MN1: variants seen among roughly 807,000 people sequenced by gnomAD.
The protein encoded by MN1 is transcriptional activator MN1.
Under a neutral mutation model 86.9 loss-of-function variants are expected in MN1, and 19 were observed. That is an observed-to-expected ratio of 0.22 (90% CI 0.15 to 0.32). The LOEUF (loss-of-function observed/expected upper bound fraction) is 0.32. MN1 is among the 10% of genes least tolerant of loss of function. The probability of loss-of-function intolerance (pLI) is 1.00; values close to 1 mark genes in which losing one functional copy is unlikely to be tolerated. For synonymous variants in MN1, 928 were observed against 849.6 expected (o/e 1.09, Z -1.60); for missense variants, 1,841 against 1,862.0 (o/e 0.99, Z 0.21).
chr22:27,748,893 G>A lies in MN1; in HGVS notation c.*2022C>T, dbSNP rs535261762. 2.2e-5 allele frequency: 5 copies of A among 228,568 alleles called. No individual in the cohort carries two copies. Among genetic ancestry groups the A allele is most frequent in the African/African-American group, 8.9e-5 (4 of 45,154 alleles). The allele number at this position is 228,568 out of a possible 1,614,324, so 14.2% of individuals were successfully genotyped here. ...TCCTGTTTCAAAAGTAAAATGATGAGGCTCTCAAACAGCTGTACACTGCAG... is the reference window on the plus strand; with the variant it reads ...TCCTGTTTCAAAAGTAAAATGATGAAGCTCTCAAACAGCTGTACACTGCAG... On this transcript the variant is annotated 3_prime_UTR_variant, in exon 2 of 2. Coordinates refer to ENST00000302326, the MANE Select transcript of MN1 (RefSeq NM_002430.3).
chr22:27,798,471 G>A lies in MN1; in HGVS notation c.2073C>T (p.His691=). The A allele has an allele frequency of 6.4e-7, 1 of 1,564,098 alleles. No individual in the cohort carries two copies. The highest frequency in any genetic ancestry group is 8.6e-7 in the Non-Finnish European group (1 of 1,164,622). The change falls in exon 1 of 2, where the codon CAC becomes CAT. Residue 691 remains histidine, a synonymous_variant. Transcript: ENST00000302326. ...QEPMRMPGEG[H]VPALPSPGLQ... ...GGCCCGGTGAAGGCAGCGCGGGCAC[G>A]TGGCCCTCTCCGGGCATCCTCATCG...
Position 27,749,193 on chromosome 22 carries a change from G to T in MN1, c.*1722C>A, listed in dbSNP as rs1186736648. 1.3e-5 allele frequency: 3 copies of T among 231,132 alleles called. No homozygotes were observed. In the East Asian group the frequency reaches 1.8e-4, roughly 14 times the overall value. 14.3% of individuals were successfully genotyped at this position (231,132 alleles called of 1,614,324 possible). A position where few individuals can be genotyped will look rare whatever the true frequency, so the allele number is the denominator to read the frequency against. Reference sequence around the variant, plus strand: ...GAAAGAGGGGAGAAGGGAGGGGAAAGAGTGAGGTTTTTCTGAAAGCTCCTC... The same window carrying T: ...GAAAGAGGGGAGAAGGGAGGGGAAATAGTGAGGTTTTTCTGAAAGCTCCTC... On this transcript the variant is annotated 3_prime_UTR_variant, in exon 2 of 2. Coordinates refer to ENST00000302326, the MANE Select transcript of MN1 (RefSeq NM_002430.3).
intron 1 of MN1, among the ~76,000 whole-genome samples, chr22:27,784,186 AG>A (rs534622967): frequency 2.2e-3 from 331 of 152,310 alleles, no homozygotes; most frequent in Non-Finnish European, 3.8e-3. Context: ...AGCCAGGAGC[AG>A]GGGATGCACC....
Position 27,749,618 on chromosome 22 carries a change from A to C in MN1, c.*1297T>G, listed in dbSNP as rs541400049. 1.6e-3 allele frequency: 374 copies of C among 232,014 alleles called. 2 individuals carry two copies. The highest frequency in any genetic ancestry group is 3.4e-3 in the Admixed American group (61 of 17,766). The allele number at this position is 232,014 out of a possible 1,614,324, so 14.4% of individuals were successfully genotyped here. ...TGGGACATGGCTCTAGTTTTGCAAC[A>C]GGGTGAGATTCCAAAAAAATGTTGG... On this transcript the variant is annotated 3_prime_UTR_variant, in exon 2 of 2. Coordinates refer to ENST00000302326, the MANE Select transcript of MN1 (RefSeq NM_002430.3).
At chr22:27,770,366 A>G (rs1454426277) in intron 1 of MN1, among the ~76,000 whole-genome samples, 1 of 152,218 alleles carries the variant, frequency 6.6e-6, no homozygotes, top group East Asian at 1.9e-4. Flanking sequence ...CAGGGAAGAG[A>G]GGACTGAGGT....
In MN1 at chr22:27,799,461, CGGCTGCTGCTGTGGCGGCTGCTGCGGG is replaced by C. The variant is rs1486079124; in HGVS notation, c.1056_1082del (p.Gln354_Pro362del). On this transcript the variant is annotated inframe_deletion, in exon 1 of 2. Coordinates refer to ENST00000302326, the MANE Select transcript of MN1 (RefSeq NM_002430.3). ...GGACTAGAAGCCCGGGTGGCGGCGG[CGGCTGCTGCTGTGGCGGCTGCTGCGGG>C]GGCTGCTGCTGAGGGGGTGGCGGGG... 2 of 1,453,108 alleles carry C rather than the reference CGGCTGCTGCTGTGGCGGCTGCTGCGGG, an allele frequency of 1.4e-6. No homozygotes were observed. Among genetic ancestry groups the C allele is most frequent in the African/African-American group, 1.4e-5 (1 of 69,556 alleles). 90.0% of individuals were successfully genotyped at this position (1,453,108 alleles called of 1,614,324 possible).
rs2146318283 is a variant in MN1 at position 27,799,907 on chromosome 22, C to T, written c.637G>A (p.Asp213Asn). Reference protein sequence around the residue: ...FHGLPSSSGSDSHSLEPRRVT... With the variant: ...FHGLPSSSGSNSHSLEPRRVT... ...CTCCGTGGCTCCAGACTGTGGGAAT[C>T]GGAGCCGCTGGAGGACGGCAGGCCG... The change falls in exon 1 of 2, where the codon GAT (aspartate) becomes AAT (asparagine). Residue 213 changes from aspartate (D) to asparagine (N), a missense_variant. Asp to Asn is a conservative substitution (Grantham distance 23). Coordinates refer to ENST00000302326, the MANE Select transcript of MN1 (RefSeq NM_002430.3). 1.9e-6 allele frequency: 3 copies of T among 1,601,600 alleles called. No homozygotes were observed. The highest frequency in any genetic ancestry group is 1.7e-6 in the Non-Finnish European group (2 of 1,175,238).
Position 27,797,158 on chromosome 22 carries a change from G to C in MN1, c.3386C>G (p.Thr1129Ser), listed in dbSNP as rs1178607263. The C allele has an allele frequency of 1.9e-6, 3 of 1,564,000 alleles. No homozygotes were observed. In the Admixed American group the frequency reaches 5.6e-5, roughly 29 times the overall value. The part of the protein sequence containing the change: ...GGGGGPGHPG[T>S]PGLEQVRTPT... ...GGTGCGGACCTGCTCCAGGCCCGGA[G>C]TGCCCGGATGGCCCGGGCCCCCACC... The change falls in exon 1 of 2, where the codon ACT becomes AGT. Residue 1129 changes from threonine (T) to serine (S), a missense_variant. Physicochemically the swap from Thr to Ser is moderately conservative, Grantham distance 58. Transcript: ENST00000302326.
intron 1 of MN1, among the ~76,000 whole-genome samples, chr22:27,790,891 G>T (rs553136551): frequency 6.6e-6 from 1 of 152,146 alleles, no homozygotes; most frequent in Non-Finnish European, 1.5e-5. Flanking sequence ...CTGAGATTTC[G>T]TAATTAGGAT....
At chr22:27,780,663 T>C (rs1933041978) in intron 1 of MN1, among the ~76,000 whole-genome samples, 1 of 152,212 alleles carries the variant, frequency 6.6e-6, no homozygotes, top group East Asian at 1.9e-4. Flanking sequence ...TCACTGTCAC[T>C]GCCTCTCAGA....
In MN1 at chr22:27,800,900, T is replaced by C. The variant is rs1179676294; in HGVS notation, c.-357A>G. The C allele has an allele frequency of 4.4e-6, 1 of 224,898 alleles. No individual in the cohort carries two copies. The highest frequency in any genetic ancestry group is 3.0e-5 in the African/African-American group (1 of 33,648). 13.9% of individuals were successfully genotyped at this position (224,898 alleles called of 1,614,324 possible). A position where few individuals can be genotyped will look rare whatever the true frequency, so the allele number is the denominator to read the frequency against. ...GAGACAAAAAGTTAAGTGGGGGGAA[T>C]GGGGAGGGAAGGGGGTTGGGAGAGC... On this transcript the variant is annotated 5_prime_UTR_variant, in exon 1 of 2. Transcript: ENST00000302326.
chr22:27,763,388 G>A (rs77362058), intron 1 of MN1, among the ~76,000 whole-genome samples: 10,249 of 152,194 alleles, frequency 0.067, 502 homozygotes, highest in South Asian at 0.17. Context: ...CTTCATCGCC[G>A]GGGAAGGGCT....
chr22:27,800,908 G>A lies in MN1; in HGVS notation c.-365C>T. On this transcript the variant is annotated 5_prime_UTR_variant, in exon 1 of 2. Transcript: ENST00000302326. ...AAGTTAAGTGGGGGGAATGGGGAGG[G>A]AAGGGGGTTGGGAGAGCAGAGCGAT... is the stretch of plus-strand genomic sequence containing the variant. 1 of 402,690 alleles carries A rather than the reference G, an allele frequency of 2.5e-6. No individual in the cohort carries two copies. The highest frequency in any genetic ancestry group is 4.2e-5 in the Admixed American group (1 of 23,898). The allele number at this position is 402,690 out of a possible 1,614,324, so 24.9% of individuals were successfully genotyped here.
rs1187842991 is a variant in MN1, at chr22:27,797,304, G to T, written c.3240C>A (p.Gly1080=). 2 of 1,599,890 alleles carry T rather than the reference G, an allele frequency of 1.3e-6. No individual in the cohort carries two copies. Residue 1080 remains glycine, a synonymous_variant, in exon 1 of 2, where the codon GGC becomes GGA. Coordinates refer to ENST00000302326, the MANE Select transcript of MN1 (RefSeq NM_002430.3). ...VKASRSPLVT[G]SPKLPPRGVG... The stretch of plus-strand genomic sequence containing the variant: ...CCCCACGGGGAGGGAGTTTGGGCGA[G>T]CCGGTCACCAGGGGACTCCTGCTCG...
chr22:27,799,867 C>T lies in MN1; in HGVS notation c.677G>A (p.Gly226Glu). 1 of 1,603,210 alleles carries T rather than the reference C, an allele frequency of 6.2e-7. No individual in the cohort carries two copies. The highest frequency in any genetic ancestry group is 8.5e-7 in the Non-Finnish European group (1 of 1,175,776). The change falls in exon 1 of 2, where the codon GGA (glycine) becomes GAA (glutamate). Residue 226 changes from glycine to glutamate, a missense_variant. By Grantham distance (98) the Gly-to-Glu change is moderately conservative (BLOSUM62 -2). Transcript: ENST00000302326. The stretch of plus-strand genomic sequence containing the variant: ...ATTGTATTCCAGCGAGTCGACGGCT[C>T]CTTGGTTCGTCACCCTCCGTGGCTC... ...SLEPRRVTNQ[G>E]AVDSLEYNYP...
intron 1 of MN1, among the ~76,000 whole-genome samples, chr22:27,780,618 TG>T (rs769521679): frequency 6.6e-6 from 1 of 152,208 alleles, no homozygotes; most frequent in Non-Finnish European, 1.5e-5. Context: ...AGAACACTAG[TG>T]GCTGGCTCCT....
chr22:27,762,414 G>C, intron 1 of MN1, among the ~76,000 whole-genome samples: 1 of 152,136 alleles, frequency 6.6e-6, no homozygotes, highest in South Asian at 2.1e-4. Context: ...CAGTGCCAGG[G>C]GCTGACTTCA....
intron 1 of MN1, among the ~76,000 whole-genome samples, chr22:27,769,118 T>C (rs753402202): frequency 6.6e-6 from 1 of 152,212 alleles, no homozygotes; most frequent in African/African-American, 2.4e-5. Context: ...TCATCTTTTC[T>C]AGGATTATCA....
rs1932729339 is a variant in MN1, at chr22:27,748,934, G to A, written c.*1981C>T. The stretch of plus-strand genomic sequence containing the variant: ...TACACTGCAGAATCAGAGGGGTCAT[G>A]GAGTCTTGCCCAGAATACGGTCAAC... On this transcript the variant is annotated 3_prime_UTR_variant, in exon 2 of 2. Coordinates refer to ENST00000302326, the MANE Select transcript of MN1 (RefSeq NM_002430.3). 5 of 230,636 alleles carry A rather than the reference G, an allele frequency of 2.2e-5. No individual in the cohort carries two copies. Among genetic ancestry groups the A allele is most frequent in the Admixed American group, 1.7e-4 (3 of 17,700 alleles). 14.3% of individuals were successfully genotyped at this position (230,636 alleles called of 1,614,324 possible).
Sources: gnomAD v4.1 joint callset for allele counts (sites outside exome capture counted in the v4.1 genomes callset) on GRCh38, gnomAD v4.1.1 for gene constraint, MANE v1.5 for transcripts, NCBI Gene and HGNC (gene_info 2026-07-23, HGNC 2026-07-21) for gene names.